Variants in OPCML observed in about 807,000 individuals in gnomAD.
OPCML encodes the protein opioid binding protein/cell adhesion molecule like, also known as opioid-binding protein/cell adhesion molecule.
Under a neutral mutation model 37.8 loss-of-function variants are expected in OPCML, and 13 were observed. The observed-to-expected ratio is 0.34, with a 90% confidence interval of 0.22 to 0.55. The LOEUF (loss-of-function observed/expected upper bound fraction) is 0.55. OPCML is among the 20% of genes least tolerant of loss of function. OPCML has a pLI of 0.91. For missense variants in OPCML, 341 were observed against 435.6 expected (o/e 0.78, Z 1.93); for synonymous variants, 176 against 168.8 (o/e 1.04, Z -0.33).
chr11:133,249,793 A>T (rs1941065648), intron 1 of OPCML, among the ~76,000 whole-genome samples: 1 of 152,258 alleles, frequency 6.6e-6, no homozygotes, highest in Non-Finnish European at 1.5e-5. Flanking sequence ...AGAATGTCAC[A>T]GCACTTTGTG....
At chr11:132,883,789 T>C (rs1364965531) in intron 2 of OPCML, among the ~76,000 whole-genome samples, 1 of 152,146 alleles carries the variant, frequency 6.6e-6, no homozygotes, top group African/African-American at 2.4e-5. Flanking sequence ...TCTTCTACAC[T>C]AAAAAATCAC....
At chr11:133,070,299 G>A (rs1352699445) in intron 1 of OPCML, among the ~76,000 whole-genome samples, 1 of 152,102 alleles carries the variant, frequency 6.6e-6, no homozygotes, top group Non-Finnish European at 1.5e-5. Context: ...TTTCAAACAG[G>A]CAACTTCCAA....
intron 1 of OPCML, among the ~76,000 whole-genome samples, chr11:133,491,953 C>T (rs2120450615): frequency 6.6e-6 from 1 of 152,274 alleles, no homozygotes; most frequent in South Asian, 2.1e-4. Context: ...AAGTGTCACA[C>T]CTTGATTAAA....
At chr11:133,291,962 T>A (rs1942490408) in intron 1 of OPCML, among the ~76,000 whole-genome samples, 2 of 152,210 alleles carry the variant, frequency 1.3e-5, no homozygotes, top group Non-Finnish European at 2.9e-5. Context: ...CAGTGGTAGA[T>A]TACACAAGAG....
At chr11:132,677,690 T>C (rs1942768557) in intron 2 of OPCML, among the ~76,000 whole-genome samples, 1 of 152,136 alleles carries the variant, frequency 6.6e-6, no homozygotes, top group Non-Finnish European at 1.5e-5. Flanking sequence ...TGGTACAGCT[T>C]GATGTCCACA....
In OPCML at chr11:132,534,431, TG is replaced by T. The variant is rs529449869; in HGVS notation, c.380-5246del. Among the ~76,000 whole-genome samples, 878 of 152,322 alleles carry T rather than the reference TG, an allele frequency of 5.8e-3. 12 individuals carry two copies. The highest frequency in any genetic ancestry group is 0.02 in the African/African-American group (824 of 41,576). The stretch of plus-strand genomic sequence containing the variant: ...ATTTAATAGATGCTTAATAAAAACT[TG>T]TTAAATAAATAAATGACTACTCTGT... On this transcript the variant is annotated intron_variant, in intron 3 of 7. Transcript: ENST00000524381.
intron 1 of OPCML, among the ~76,000 whole-genome samples, chr11:133,487,755 A>G (rs1262342027): frequency 6.7e-6 from 1 of 149,958 alleles, no homozygotes; most frequent in Non-Finnish European, 1.5e-5. Context: ...AAATCTCAAT[A>G]TTGCAGAGAT....
intron 2 of OPCML, among the ~76,000 whole-genome samples, chr11:132,864,978 C>T (rs1011548592): frequency 2.0e-5 from 3 of 152,252 alleles, no homozygotes; most frequent in African/African-American, 4.8e-5. Context: ...CAGCGAGCCC[C>T]TGGCTGCCAC....
intron 2 of OPCML, among the ~76,000 whole-genome samples, chr11:132,766,531 C>T (rs1157167928): frequency 6.6e-6 from 1 of 152,178 alleles, no homozygotes; most frequent in Admixed American, 6.5e-5. Flanking sequence ...CCTGGAACCT[C>T]ACATAGTAGA....
chr11:132,843,720 G>T (rs575373070), intron 2 of OPCML, among the ~76,000 whole-genome samples: 9 of 152,286 alleles, frequency 5.9e-5, no homozygotes, highest in Admixed American at 4.6e-4. Context: ...GTGGCAGAAG[G>T]TCTGTATGTG....
rs772074027 is a variant in OPCML at position 133,449,623 on chromosome 11, C to T, written c.61+82641G>A. 1.4e-4 allele frequency among the ~76,000 whole-genome samples: 22 copies of T among 151,922 alleles called. 1 individual carries two copies. Among genetic ancestry groups the T allele is most frequent in the African/African-American group, 4.4e-4 (18 of 41,186 alleles). On this transcript the variant is annotated intron_variant, in intron 1 of 7. Transcript: ENST00000524381. The stretch of plus-strand genomic sequence containing the variant: ...GTTCTGGTGGCTCCTGACATTCCTT[C>T]GCTTGTAGCGGCATCACTCCAGTCT...
intron 1 of OPCML, among the ~76,000 whole-genome samples, chr11:133,072,346 G>A (rs552396841): frequency 3.9e-5 from 6 of 152,274 alleles, no homozygotes; most frequent in African/African-American, 1.2e-4. Context: ...TTGCATTTGA[G>A]AAAATAAGTG....
intron 1 of OPCML, among the ~76,000 whole-genome samples, chr11:133,166,075 G>A (rs1349871321): frequency 6.6e-6 from 1 of 152,124 alleles, no homozygotes; most frequent in Non-Finnish European, 1.5e-5. Context: ...TTCATTAATT[G>A]TCAGATGCTG....
intron 1 of OPCML, among the ~76,000 whole-genome samples, chr11:133,000,272 C>T (rs372276584): frequency 6.6e-6 from 1 of 151,950 alleles, no homozygotes; most frequent in Admixed American, 6.6e-5. Context: ...ACCACCGCAC[C>T]CAACGAGTTT....
chr11:133,502,447 G>T (rs1947937694), intron 1 of OPCML, among the ~76,000 whole-genome samples: 1 of 152,214 alleles, frequency 6.6e-6, no homozygotes, highest in African/African-American at 2.4e-5. Context: ...AGGAGGAGGG[G>T]CCGCTCCCTC....
chr11:133,423,261 T>C, intron 1 of OPCML: 1 of 985,424 alleles, frequency 1.0e-6, no homozygotes, highest in Non-Finnish European at 1.2e-6. Flanking sequence ...TATTCTTGTC[T>C]TCAGTTTTAG....
intron 1 of OPCML, among the ~76,000 whole-genome samples, chr11:133,260,084 A>G (rs1941444032): frequency 6.6e-6 from 1 of 152,002 alleles, no homozygotes; most frequent in South Asian, 2.1e-4. Flanking sequence ...TGGATCAGCA[A>G]TGACCCCCAA....
At chr11:133,088,551 A>G (rs754485773) in intron 1 of OPCML, among the ~76,000 whole-genome samples, 24 of 152,214 alleles carry the variant, frequency 1.6e-4, no homozygotes, top group Non-Finnish European at 2.9e-4. Flanking sequence ...TTGGCTTCCA[A>G]TGAATTGGGT....
chr11:132,421,574 G>A (rs985664219), intron 7 of OPCML, among the ~76,000 whole-genome samples: 5 of 152,286 alleles, frequency 3.3e-5, no homozygotes, highest in African/African-American at 1.2e-4. Flanking sequence ...GTATACAACT[G>A]TTCCTCTCCA....
Sources: gnomAD v4.1 joint callset for allele counts (sites outside exome capture counted in the v4.1 genomes callset) on GRCh38, gnomAD v4.1.1 for gene constraint, MANE v1.5 for transcripts, NCBI Gene and HGNC (gene_info 2026-07-23, HGNC 2026-07-21) for gene names.